Variants in IL13RA2 observed in about 807,000 individuals in gnomAD.
The protein encoded by IL13RA2 is interleukin 13 receptor subunit alpha 2, also known as interleukin-13 receptor subunit alpha-2.
IL13RA2 carries 25 observed loss-of-function variants against 34.1 expected under a neutral mutation model. That is an observed-to-expected ratio of 0.73 (90% CI 0.53 to 1.03). The LOEUF (loss-of-function observed/expected upper bound fraction) is 1.03. Ranked by LOEUF, IL13RA2 falls within the 50% of genes least tolerant of loss-of-function variation. IL13RA2 has a pLI of 0.00. For missense variants in IL13RA2, 297 were observed against 280.9 expected (o/e 1.06, Z -0.41); for synonymous variants, 106 against 100.4 (o/e 1.06, Z -0.33).
rs2071719310 is a variant in IL13RA2, at chrX:115,014,628, T to C, written c.247-54A>G. ...AAGCTTAGAAACCTCCATGGTATAGTGAGCTATATTAATAAGACTAATAAA... is the reference window on the plus strand; with the variant it reads ...AAGCTTAGAAACCTCCATGGTATAGCGAGCTATATTAATAAGACTAATAAA... On this transcript the variant is annotated intron_variant, in intron 3 of 9. Transcript: ENST00000243213. The C allele has an allele frequency of 7.9e-6, 7 of 891,451 alleles. No homozygotes were observed. In the Admixed American group the frequency reaches 1.5e-4, roughly 19 times the overall value. 73.5% of individuals were successfully genotyped at this position (891,451 alleles called of 1,213,427 possible). A position where few individuals can be genotyped will look rare whatever the true frequency, so the allele number is the denominator to read the frequency against.
intron 5 of IL13RA2, among the ~76,000 whole-genome samples, chrX:115,011,716 A>G (rs782186428): frequency 1.8e-5 from 2 of 112,009 alleles, no homozygotes; most frequent in Non-Finnish European, 3.8e-5. Flanking sequence ...ACTTGATTAG[A>G]GTTTGGGAGA....
Position 115,010,786 on chromosome X carries a change from G to C in IL13RA2, c.564C>G (p.Ile188Met). 1.8e-6 allele frequency: 2 copies of C among 1,135,367 alleles called. No individual in the cohort carries two copies. The highest frequency in any genetic ancestry group is 2.4e-6 in the Non-Finnish European group (2 of 839,212). The allele number at this position is 1,135,367 out of a possible 1,213,427, so 93.6% of individuals were successfully genotyped here. The change falls in exon 6 of 10, where the codon ATC (isoleucine) becomes ATG (methionine). Residue 188 changes from isoleucine to methionine, a missense_variant. By Grantham distance (10) the Ile-to-Met change is conservative (BLOSUM62 1). Transcript: ENST00000243213. ...LDHALQCVDY[I>M]KADGQNIGCR... Reference sequence around the variant, plus strand: ...ATCCTATATTTTGTCCATCAGCCTTGATGTAATCAACACACTGTAATGCAT... The same window carrying C: ...ATCCTATATTTTGTCCATCAGCCTTCATGTAATCAACACACTGTAATGCAT...
At position 115,011,778 on chromosome X, in the gene IL13RA2, G is replaced by A. The variant is rs150291376; in HGVS notation, c.522-950C>T. ...AGACTTACTTGATGTCAGCAGGGAA[G>A]GCTTTATTTTCCAATCTCTAAAATG... is the stretch of plus-strand genomic sequence containing the variant. On this transcript the variant is annotated intron_variant, in intron 5 of 9. Transcript: ENST00000243213. 2.2e-3 allele frequency among the ~76,000 whole-genome samples: 242 copies of A among 111,955 alleles called. 6 individuals are homozygous for A. In the East Asian group the frequency reaches 0.057, roughly 27 times the overall value.
intron 3 of IL13RA2, among the ~76,000 whole-genome samples, chrX:115,015,184 T>C (rs1489146823): frequency 8.9e-6 from 1 of 111,946 alleles, no homozygotes; most frequent in Non-Finnish European, 1.9e-5. Flanking sequence ...TACATGCTTG[T>C]TGAGTATATA....
At chrX:115,006,839 A>T (rs2071687290) in intron 8 of IL13RA2, among the ~76,000 whole-genome samples, 1 of 112,280 alleles carries the variant, frequency 8.9e-6, no homozygotes, top group Admixed American at 9.5e-5. Flanking sequence ...TAATGACGAG[A>T]TATAGTTCAG....
chrX:115,009,554 T>C lies in IL13RA2; in HGVS notation c.819A>G (p.Glu273=). 3 of 1,199,548 alleles carry C rather than the reference T, an allele frequency of 2.5e-6. No individual in the cohort carries two copies. Among genetic ancestry groups the C allele is most frequent in the Non-Finnish European group, 3.4e-6 (3 of 884,564 alleles). The change falls in exon 7 of 10, where the codon GAA becomes GAG. Residue 273 remains glutamate (E), a synonymous_variant. Coordinates refer to ENST00000243213, the MANE Select transcript of IL13RA2 (RefSeq NM_000640.3). ...GPIPARCFDY[E]IEIREDDTTL... ...TAGTATCATCTTCTCTGATCTCAAT[T>C]TCATAATCAAAACACCTTGCTGGAA...
chrX:115,009,802 C>T (rs5988195), intron 6 of IL13RA2, 136 bp from the exon 7 acceptor site: 15,144 of 412,347 alleles, frequency 0.037, 1,663 homozygotes, highest in African/African-American at 0.33. Flanking sequence ...CCCTATGATA[C>T]GTATTAAAAT....
intron 4 of IL13RA2, 107 bp downstream of exon 4, chrX:115,014,314 G>A (rs1556509318): frequency 1.7e-6 from 1 of 574,772 alleles, no homozygotes; most frequent in African/African-American, 2.3e-5. Context: ...GTGCCACACT[G>A]TCACAGGATC....
chrX:115,010,777 A>C lies in IL13RA2; in HGVS notation c.573T>G (p.Asp191Glu). 1 of 1,137,039 alleles carries C rather than the reference A, an allele frequency of 8.8e-7. No homozygotes were observed. The highest frequency in any genetic ancestry group is 1.2e-6 in the Non-Finnish European group (1 of 836,324). 93.7% of individuals were successfully genotyped at this position (1,137,039 alleles called of 1,213,427 possible). ...ALQCVDYIKA[D>E]GQNIGCRFPY... The stretch of plus-strand genomic sequence containing the variant: ...GAAATCTGCATCCTATATTTTGTCC[A>C]TCAGCCTTGATGTAATCAACACACT... The change falls in exon 6 of 10, where the codon GAT (aspartate) becomes GAG (glutamate). Residue 191 changes from aspartate to glutamate, a missense_variant. By Grantham distance (45) the Asp-to-Glu change is conservative. Coordinates refer to ENST00000243213, the MANE Select transcript of IL13RA2 (RefSeq NM_000640.3).
At chrX:115,005,644 A>G (rs1454985583) in intron 8 of IL13RA2, among the ~76,000 whole-genome samples, 1 of 112,168 alleles carries the variant, frequency 8.9e-6, no homozygotes, top group Non-Finnish European at 1.9e-5. Flanking sequence ...ATATTAGCCA[A>G]GTGATTAAAC....
intron 2 of IL13RA2, 31 bp from the exon 3 acceptor site, chrX:115,015,852 T>C (rs2071725233): frequency 3.0e-6 from 3 of 1,001,916 alleles, no homozygotes; most frequent in Non-Finnish European, 2.8e-6. Context: ...ACTTTTATTT[T>C]TTCTGTATTT....
intron 5 of IL13RA2, among the ~76,000 whole-genome samples, chrX:115,012,092 C>A (rs1290695046): frequency 8.9e-6 from 1 of 112,199 alleles, no homozygotes; most frequent in South Asian, 3.7e-4. Context: ...GGGATTAGAA[C>A]CCAGATCTCA....
At chrX:115,009,072 G>C (rs781944752) in intron 7 of IL13RA2, among the ~76,000 whole-genome samples, 1 of 111,606 alleles carries the variant, frequency 9.0e-6, no homozygotes, top group Admixed American at 9.5e-5. Flanking sequence ...TGGTGCTGGT[G>C]GCAGTAATTA....
At position 115,010,825 on chromosome X, in the gene IL13RA2, A is replaced by C; in HGVS notation, c.525T>G (p.Tyr175Ter). ...LDTNYNLFYW[Y>*]EGLDHALQCV... The stretch of plus-strand genomic sequence containing the variant: ...ACTGTAATGCATGATCCAAGCCCTC[A>C]TACCTGTAAAATGAGTGTTGTGAGA... The change falls in exon 6 of 10, where the codon TAT (tyrosine) becomes TAG (stop). Residue 175 changes from tyrosine to a stop codon, truncating the protein, a stop_gained. Transcript: ENST00000243213. LOFTEE classifies it high-confidence loss of function. 2 of 998,311 alleles carry C rather than the reference A, an allele frequency of 2.0e-6. No individual in the cohort carries two copies. Among genetic ancestry groups the C allele is most frequent in the Non-Finnish European group, 2.7e-6 (2 of 750,434 alleles). The allele number at this position is 998,311 out of a possible 1,213,427, so 82.3% of individuals were successfully genotyped here.
At chrX:115,005,446 A>T (rs184405113) in intron 8 of IL13RA2, 131 bp from the exon 9 acceptor site, 4 of 494,329 alleles carry the variant, frequency 8.1e-6, no homozygotes, top group Admixed American at 6.6e-5. Flanking sequence ...CAGTGCATAA[A>T]TACCACAATT....
intron 6 of IL13RA2, among the ~76,000 whole-genome samples, chrX:115,009,884 C>T (rs1212656924): frequency 2.7e-5 from 3 of 111,901 alleles, no homozygotes; most frequent in Non-Finnish European, 5.6e-5. Flanking sequence ...TTTGACAAGT[C>T]ACCCACTGAC....
intron 8 of IL13RA2, 83 bp downstream of exon 8, chrX:115,007,849 C>G (rs2071691096): frequency 1.7e-6 from 1 of 598,520 alleles, no homozygotes; most frequent in Non-Finnish European, 2.7e-6. Flanking sequence ...TCCTTCACTT[C>G]TGTAATTACA....
intron 5 of IL13RA2, among the ~76,000 whole-genome samples, chrX:115,013,040 A>G (rs2071712564): frequency 9.0e-6 from 1 of 111,553 alleles, no homozygotes; most frequent in African/African-American, 3.3e-5. Flanking sequence ...ATGGCAGCCT[A>G]GATTTTATCC....
intron 5 of IL13RA2, among the ~76,000 whole-genome samples, chrX:115,013,203 T>G (rs5946040): frequency 0.27 from 30,121 of 110,328 alleles, 4,975 homozygotes; most frequent in African/African-American, 0.62. Context: ...ACCGTCATTT[T>G]GGAAGCAATG....
Sources: allele counts gnomAD v4.1 joint callset (sites outside exome capture counted in the v4.1 genomes callset), GRCh38; gene constraint gnomAD v4.1.1; transcripts MANE v1.5; gene names NCBI Gene and HGNC (gene_info 2026-07-23, HGNC 2026-07-21).